The following SSBP3 variants were observed in gnomAD, a reference collection of about 807,000 sequenced individuals.
SSBP3 encodes the protein single stranded DNA binding protein 3, also known as single-stranded DNA-binding protein 3.
A neutral mutation model predicts 69.6 loss-of-function variants in SSBP3; 5 were observed. That is an observed-to-expected ratio of 0.07 (90% CI 0.04 to 0.15). SSBP3 has a LOEUF of 0.15. Ranked by LOEUF, SSBP3 falls within the 10% of genes least tolerant of loss-of-function variation. The pLI, the probability that SSBP3 is intolerant of heterozygous loss-of-function variation, is 1.00. For synonymous variants in SSBP3, 196 were observed against 193.4 expected, an observed-to-expected ratio of 1.01 and a Z score of -0.11; for missense variants, 312 against 534.0, an observed-to-expected ratio of 0.58 and a Z score of 4.10.
chr1:54,310,823 G>A (rs1645988448), intron 4 of SSBP3, among the ~76,000 whole-genome samples: 1 of 152,160 alleles, frequency 6.6e-6, no homozygotes, highest in Non-Finnish European at 1.5e-5. Flanking sequence ...TACCACCTGT[G>A]AGGATGGGGG....
At chr1:54,321,752 TC>T (rs1646217852) in intron 4 of SSBP3, among the ~76,000 whole-genome samples, 1 of 152,166 alleles carries the variant, frequency 6.6e-6, no homozygotes, top group South Asian at 2.1e-4. Context: ...TGGAGTGTCT[TC>T]CATGTGCTAT....
Position 54,258,126 on chromosome 1 carries a change from C to T in SSBP3, c.390G>A (p.Ser130=). Reference sequence around the variant, plus strand: ...TGTGAGGTGGAGGCTGTGCGTGCGGCGAGGGCTGTGACCCCGGAGGACCCT... The same window carrying T: ...TGTGAGGTGGAGGCTGTGCGTGCGGTGAGGGCTGTGACCCCGGAGGACCCT... The change falls in exon 6 of 18, where the codon TCG becomes TCA. Residue 130 remains serine, a synonymous_variant. Coordinates refer to ENST00000610401, the Ensembl canonical transcript of SSBP3. The surrounding 1 kb of genome is among the most constrained non-coding windows in gnomAD (Gnocchi z 4.5). The T allele has an allele frequency of 2.5e-6, 4 of 1,596,170 alleles. No homozygotes were observed. The highest frequency in any genetic ancestry group is 2.6e-6 in the Non-Finnish European group (3 of 1,172,666).
At position 54,258,557 on chromosome 1, in the gene SSBP3, G is replaced by C. The variant is rs989454515; in HGVS notation, c.367-408C>G. Among the ~76,000 whole-genome samples, 1 of 152,196 alleles carries C rather than the reference G, an allele frequency of 6.6e-6. No homozygotes were observed. The highest frequency in any genetic ancestry group is 6.5e-5 in the Admixed American group (1 of 15,290). ...CAAAGCACGTAGGTGCCGCTTGCAC[G>C]GGAGGTGGGGAAAGATCGGGAAGGG... On this transcript the variant is annotated intron_variant, in intron 5 of 17. Transcript: ENST00000610401. This position sits in a 1 kb window ranked among gnomAD's most constrained non-coding sequence, Gnocchi z 4.5.
chr1:54,320,262 G>C (rs1051965698), intron 4 of SSBP3, among the ~76,000 whole-genome samples: 9 of 152,194 alleles, frequency 5.9e-5, no homozygotes, highest in African/African-American at 1.9e-4. Context: ...GACCACAGAG[G>C]GAAGACATCT....
chr1:54,332,945 C>G (rs951358649), intron 4 of SSBP3, among the ~76,000 whole-genome samples: 1 of 152,258 alleles, frequency 6.6e-6, no homozygotes, highest in Non-Finnish European at 1.5e-5. Context: ...CACACACACA[C>G]GCGTGCGCCT....
At chr1:54,232,228 T>A (rs1431720962) in intron 14 of SSBP3, among the ~76,000 whole-genome samples, 1 of 152,214 alleles carries the variant, frequency 6.6e-6, no homozygotes, top group Admixed American at 6.5e-5. Context: ...ATTAATATTT[T>A]TATAACGTTT....
intron 17 of SSBP3, among the ~76,000 whole-genome samples, chr1:54,227,437 T>C (rs1021374122): frequency 4.6e-5 from 7 of 151,998 alleles, no homozygotes; most frequent in South Asian, 4.2e-4. Context: ...CTCCTGCCCC[T>C]GTCTGAGTCA....
rs1557525658 is a variant in SSBP3 at position 54,316,701 on chromosome 1, T to TA, written c.277-35175dup. ...ATAAATAAATAAATAAATAAATAAA[T>TA]AAATAAATAAAATAAAATAAAATAA... On this transcript the variant is annotated intron_variant, in intron 4 of 17. Transcript: ENST00000610401. Among the ~76,000 whole-genome samples, 178 of 111,846 alleles carry TA rather than the reference T, an allele frequency of 1.6e-3. 2 individuals carry two copies. Among genetic ancestry groups the TA allele is most frequent in the African/African-American group, 6.3e-3 (158 of 24,914 alleles). The allele number at this position is 111,846 out of a possible 152,430, so 73.4% of individuals were successfully genotyped here.
At chr1:54,305,862 C>T (rs548996301) in intron 4 of SSBP3, among the ~76,000 whole-genome samples, 1 of 148,672 alleles carries the variant, frequency 6.7e-6, no homozygotes, top group African/African-American at 2.5e-5. Context: ...ATCTAGCAGC[C>T]GTCTCTCCCT....
chr1:54,288,918 G>A (rs1645543126), intron 4 of SSBP3, among the ~76,000 whole-genome samples: 1 of 151,080 alleles, frequency 6.6e-6, no homozygotes, highest in South Asian at 2.1e-4. Flanking sequence ...TACTCAGGAG[G>A]CTGAGGCAGG....
intron 4 of SSBP3, among the ~76,000 whole-genome samples, chr1:54,368,042 C>A (rs1647056698): frequency 6.6e-6 from 1 of 152,108 alleles, no homozygotes; most frequent in African/African-American, 2.4e-5. Flanking sequence ...TGGCTCACAC[C>A]TGTAATCCCA....
chr1:54,271,462 C>T (rs951951498), intron 5 of SSBP3, among the ~76,000 whole-genome samples: 3 of 152,158 alleles, frequency 2.0e-5, no homozygotes, highest in Admixed American at 1.3e-4. Flanking sequence ...AAAAAGGACA[C>T]GGTAGGATTT....
chr1:54,365,468 G>T (rs1229021589), intron 4 of SSBP3, among the ~76,000 whole-genome samples: 2 of 152,326 alleles, frequency 1.3e-5, no homozygotes, highest in South Asian at 4.1e-4. Flanking sequence ...CTATTTGAGA[G>T]CCTAAGTGAA....
chr1:54,315,490 AAAG>A (rs1262797954), intron 4 of SSBP3, among the ~76,000 whole-genome samples: 6 of 152,194 alleles, frequency 3.9e-5, no homozygotes, highest in Non-Finnish European at 7.3e-5. Context: ...GCAAGCAAAA[AAAG>A]AGATTCTTCA....
At chr1:54,400,403 G>A (rs973715720) in intron 4 of SSBP3, among the ~76,000 whole-genome samples, 3 of 150,338 alleles carry the variant, frequency 2.0e-5, no homozygotes, top group African/African-American at 7.4e-5. Context: ...TAGGTAGAAA[G>A]GTCAAATTCA....
In SSBP3 at chr1:54,264,615, G is replaced by A. The variant is rs565470067; in HGVS notation, c.367-6466C>T. On this transcript the variant is annotated intron_variant, in intron 5 of 17. Coordinates refer to ENST00000610401, the Ensembl canonical transcript of SSBP3. ...CTAGGGCTGGAGTCCTGGCCTTGTCGCCCTGGGTCTTGGCAGAGCATCCCT... is the reference window on the plus strand; with the variant it reads ...CTAGGGCTGGAGTCCTGGCCTTGTCACCCTGGGTCTTGGCAGAGCATCCCT... Among the ~76,000 whole-genome samples the A allele has an allele frequency of 9.8e-5, 15 of 152,326 alleles. No homozygotes were observed. In the South Asian group the frequency reaches 2.5e-3, roughly 25 times the overall value.
intron 4 of SSBP3, among the ~76,000 whole-genome samples, chr1:54,295,215 T>A (rs1181133544): frequency 1.3e-5 from 2 of 152,074 alleles, no homozygotes; most frequent in African/African-American, 4.8e-5. Flanking sequence ...CCCGGCCGCA[T>A]CCCTACTCTG....
intron 4 of SSBP3, among the ~76,000 whole-genome samples, chr1:54,301,656 A>C (rs1366556094): frequency 6.6e-6 from 1 of 152,196 alleles, no homozygotes; most frequent in Non-Finnish European, 1.5e-5. Flanking sequence ...GGGATGAAAA[A>C]CACACACAAC....
intron 3 of SSBP3, among the ~76,000 whole-genome samples, chr1:54,403,202 A>G (rs1026680854): frequency 9.2e-5 from 14 of 152,298 alleles, no homozygotes; most frequent in African/African-American, 3.1e-4. Context: ...TGCGGCTGAG[A>G]TAAGGATGGA....
Sources: allele counts gnomAD v4.1 joint callset (sites outside exome capture counted in the v4.1 genomes callset), GRCh38; gene constraint gnomAD v4.1.1; non-coding constraint Gnocchi (gnomAD v3.1); transcripts MANE v1.5; gene names NCBI Gene and HGNC (gene_info 2026-07-23, HGNC 2026-07-21).